The following SLC6A6 variants were observed in gnomAD, a reference collection of about 807,000 sequenced individuals.
SLC6A6 encodes sodium- and chloride-dependent taurine transporter.
A neutral mutation model predicts 68.8 loss-of-function variants in SLC6A6; 16 were observed. The observed-to-expected ratio is 0.23, with a 90% CI of 0.16 to 0.35. The LOEUF is 0.35. Among genes scored for constraint, SLC6A6 ranks in the 10% least tolerant of loss-of-function variants. The pLI is 1.00. For synonymous variants in SLC6A6, 312 were observed against 315.4 expected (o/e 0.99, Z 0.12); for missense variants, 474 against 802.8 (o/e 0.59, Z 4.95).
rs1699019873 is a variant in SLC6A6, at chr3:14,402,972, T to C, written c.-54+125T>C. On this transcript the variant is annotated intron_variant, in intron 1 of 14. Coordinates refer to ENST00000622186, the MANE Select transcript of SLC6A6 (RefSeq NM_003043.6). This position sits in a 1 kb window ranked among gnomAD's most constrained non-coding sequence, Gnocchi z 4.8. ...CGCGTGCGCCCATCCGGCGCCCCTT[T>C]CACCACCGCGGAAGGGACCGAGAGT... 5 of 381,122 alleles carry C rather than the reference T, an allele frequency of 1.3e-5. No individual in the cohort carries two copies. Among genetic ancestry groups the C allele is most frequent in the Non-Finnish European group, 2.3e-5 (5 of 215,192 alleles). The allele number at this position is 381,122 out of a possible 1,614,324, so 23.6% of individuals were successfully genotyped here. A position where few individuals can be genotyped will look rare whatever the true frequency, so the allele number is the denominator to read the frequency against.
At chr3:14,421,651 C>T (rs1372856328) in intron 2 of SLC6A6, among the ~76,000 whole-genome samples, 1 of 152,234 alleles carries the variant, frequency 6.6e-6, no homozygotes, top group Non-Finnish European at 1.5e-5. Flanking sequence ...ATCGCATCTG[C>T]AGCCCTCTAC....
chr3:14,402,737 G>A lies in SLC6A6; in HGVS notation c.-164G>A, dbSNP rs1699011648. ...CCCAGAGGACAAGCTGCGCCAAGAGGGAGTGCGGAGCGTTCACCCAGCGGG... is the reference window on the plus strand; with the variant it reads ...CCCAGAGGACAAGCTGCGCCAAGAGAGAGTGCGGAGCGTTCACCCAGCGGG... On this transcript the variant is annotated 5_prime_UTR_variant, in exon 1 of 15. Coordinates refer to ENST00000622186, the MANE Select transcript of SLC6A6 (RefSeq NM_003043.6). This position sits in a 1 kb window ranked among gnomAD's most constrained non-coding sequence, Gnocchi z 4.8. 1 of 398,024 alleles carries A rather than the reference G, an allele frequency of 2.5e-6. No homozygotes were observed. The highest frequency in any genetic ancestry group is 4.4e-6 in the Non-Finnish European group (1 of 225,720). 24.7% of individuals were successfully genotyped at this position (398,024 alleles called of 1,614,324 possible). A position where few individuals can be genotyped will look rare whatever the true frequency, so the allele number is the denominator to read the frequency against.
chr3:14,427,386 G>A (rs1699624736), intron 2 of SLC6A6, among the ~76,000 whole-genome samples: 1 of 152,216 alleles, frequency 6.6e-6, no homozygotes, highest in Admixed American at 6.5e-5. Context: ...AGGAAACCGA[G>A]GCACAGAGCA....
intron 2 of SLC6A6, among the ~76,000 whole-genome samples, chr3:14,433,222 A>G (rs1699769769): frequency 6.6e-6 from 1 of 152,134 alleles, no homozygotes; most frequent in African/African-American, 2.4e-5. Context: ...CCCAGAGAGA[A>G]TTGCCCCAGG....
At chr3:14,443,166 C>T (rs1227132582) in intron 2 of SLC6A6, among the ~76,000 whole-genome samples, 1 of 152,160 alleles carries the variant, frequency 6.6e-6, no homozygotes, top group East Asian at 1.9e-4. Flanking sequence ...GAGGAGCCTC[C>T]ATTTTTTTAA....
rs1701226155 is a variant in SLC6A6 at position 14,488,204 on chromosome 3, C to A, written c.*3197C>A. 6.5e-6 allele frequency: 1 copy of A among 152,716 alleles called. No homozygotes were observed. Among genetic ancestry groups the A allele is most frequent in the African/African-American group, 2.4e-5 (1 of 41,444 alleles). The allele number at this position is 152,716 out of a possible 1,614,324, so 9.5% of individuals were successfully genotyped here. ...CTGGCTCCAGACTGACCCCGAGGCT[C>A]TGCGGGGAGTTTCCAGGCAGCAGGA... On this transcript the variant is annotated 3_prime_UTR_variant, in exon 15 of 15. Transcript: ENST00000622186.
chr3:14,479,603 C>CA (rs1700961963), intron 13 of SLC6A6, among the ~76,000 whole-genome samples: 3 of 151,958 alleles, frequency 2.0e-5, no homozygotes, highest in Non-Finnish European at 2.9e-5. Flanking sequence ...GTAGAGAGGT[C>CA]ATAGACATTG....
intron 2 of SLC6A6, among the ~76,000 whole-genome samples, chr3:14,418,109 C>T (rs181722979): frequency 6.6e-5 from 10 of 152,316 alleles, no homozygotes; most frequent in Non-Finnish European, 1.0e-4. Flanking sequence ...CATCCTCGTA[C>T]TCGCCATCTG....
intron 1 of SLC6A6, among the ~76,000 whole-genome samples, chr3:14,403,339 G>A (rs1271552742): frequency 1.3e-5 from 2 of 152,140 alleles, no homozygotes; most frequent in African/African-American, 4.8e-5. Flanking sequence ...GCTCTTGTGT[G>A]TCCCCGTTTG....
chr3:14,477,437 G>C lies in SLC6A6; in HGVS notation c.1347+95G>C. On this transcript the variant is annotated intron_variant, in intron 11 of 14. Coordinates refer to ENST00000622186, the MANE Select transcript of SLC6A6 (RefSeq NM_003043.6). This position sits in a 1 kb window ranked among gnomAD's most constrained non-coding sequence, Gnocchi z 4.2. ...AGCAGCTGGGTGAGAGGGCCAGGTA[G>C]GGGCTTCATCTCCCAGCCCCACCCA... 7.8e-7 allele frequency: 1 copy of C among 1,283,826 alleles called. No homozygotes were observed. The highest frequency in any genetic ancestry group is 1.1e-6 in the Non-Finnish European group (1 of 901,174). 79.5% of individuals were successfully genotyped at this position (1,283,826 alleles called of 1,614,324 possible).
At chr3:14,441,684 A>G (rs181119075) in intron 2 of SLC6A6, among the ~76,000 whole-genome samples, 1 of 152,338 alleles carries the variant, frequency 6.6e-6, no homozygotes, top group African/African-American at 2.4e-5. Flanking sequence ...GGGCCAAGCC[A>G]GCACATCCCC....
chr3:14,479,283 G>T (rs766360358), intron 13 of SLC6A6, 98 bp downstream of exon 13: 3 of 818,570 alleles, frequency 3.7e-6, no homozygotes, highest in South Asian at 1.4e-5. Flanking sequence ...TCTGTTCAGC[G>T]TGGGCTTATA....
intron 6 of SLC6A6, among the ~76,000 whole-genome samples, chr3:14,464,607 C>T (rs552198048): frequency 6.6e-6 from 1 of 152,328 alleles, no homozygotes; most frequent in African/African-American, 2.4e-5. Flanking sequence ...TCAAAGGGAT[C>T]ATGGCCACAA....
chr3:14,448,351 T>C (rs1364999655), intron 5 of SLC6A6, among the ~76,000 whole-genome samples: 1 of 152,212 alleles, frequency 6.6e-6, no homozygotes, highest in African/African-American at 2.4e-5. Flanking sequence ...CAGTTTGGGC[T>C]GAGCTTGGCT....
rs1043752684 is a variant in SLC6A6 at position 14,402,633 on chromosome 3, C to G, written c.-268C>G. ...GAGCTGCCTGCTCAGACAACAGACA[C>G]GCGAGGTCAGGAAGAAGCCGCTTAT... On this transcript the variant is annotated 5_prime_UTR_variant, in exon 1 of 15. Transcript: ENST00000622186. The surrounding 1 kb of genome is among the most constrained non-coding windows in gnomAD (Gnocchi z 4.8). The G allele has an allele frequency of 5.0e-6, 2 of 397,854 alleles. No homozygotes were observed. The highest frequency in any genetic ancestry group is 4.4e-6 in the Non-Finnish European group (1 of 225,710). 24.6% of individuals were successfully genotyped at this position (397,854 alleles called of 1,614,324 possible). A position where few individuals can be genotyped will look rare whatever the true frequency, so the allele number is the denominator to read the frequency against.
At position 14,450,501 on chromosome 3, in the gene SLC6A6, C is replaced by T. The variant is rs1296232808; in HGVS notation, c.599+2685C>T. ...TTGGTACTCACCTCCCACTCCAGCT[C>T]TCACACCTCTCCTACCCCTGCACCC... On this transcript the variant is annotated intron_variant, in intron 5 of 14. Transcript: ENST00000622186. The surrounding 1 kb of genome is among the most constrained non-coding windows in gnomAD (Gnocchi z 4.1). 1.3e-5 allele frequency among the ~76,000 whole-genome samples: 2 copies of T among 152,206 alleles called. No homozygotes were observed. The highest frequency in any genetic ancestry group is 2.9e-5 in the Non-Finnish European group (2 of 68,042).
At position 14,420,958 on chromosome 3, in the gene SLC6A6, A is replaced by G. The variant is rs74583217; in HGVS notation, c.-12+4505A>G. 1.2e-3 allele frequency among the ~76,000 whole-genome samples: 178 copies of G among 152,286 alleles called. 1 individual carries two copies. Among genetic ancestry groups the G allele is most frequent in the African/African-American group, 4.1e-3 (171 of 41,576 alleles). ...ACTTCTTTTGAGTGGGCGTCTTTAC[A>G]CGTTGGTCTAAGCAAGAAGTGGGCT... On this transcript the variant is annotated intron_variant, in intron 2 of 14. Coordinates refer to ENST00000622186, the MANE Select transcript of SLC6A6 (RefSeq NM_003043.6).
intron 6 of SLC6A6, among the ~76,000 whole-genome samples, chr3:14,466,265 T>TAAAAAA (rs11310077): frequency 9.1e-6 from 1 of 110,248 alleles, no homozygotes. Context: ...GTCTCAAATT[T>TAAAAAA]AAAAAAAAAA....
intron 1 of SLC6A6, among the ~76,000 whole-genome samples, chr3:14,413,360 C>T (rs1268737548): frequency 6.6e-6 from 1 of 152,238 alleles, no homozygotes; most frequent in Admixed American, 6.5e-5. Context: ...TCCCTGCAGC[C>T]ACGCAGGCAT....
Sources: allele counts gnomAD v4.1 joint callset (sites outside exome capture counted in the v4.1 genomes callset), GRCh38; gene constraint gnomAD v4.1.1; non-coding constraint Gnocchi (gnomAD v3.1); transcripts MANE v1.5; gene names NCBI Gene and HGNC (gene_info 2026-07-23, HGNC 2026-07-21).